The following PAPPA variants were observed in gnomAD, a reference collection of about 807,000 sequenced individuals.
The protein encoded by PAPPA is pappalysin 1.
In PAPPA, 60 loss-of-function variants were observed where a neutral mutation model predicts 164.0. The observed-to-expected ratio is 0.37, with a 90% CI of 0.30 to 0.45. The LOEUF (loss-of-function observed/expected upper bound fraction) is 0.45. Ranked by LOEUF, PAPPA falls within the 20% of genes least tolerant of loss-of-function variation. PAPPA has a pLI of 1.00. For missense variants in PAPPA, 1,782 were observed against 2,087.3 expected (o/e 0.85, Z 2.85); for synonymous variants, 875 against 814.1 (o/e 1.07, Z -1.27).
intron 21 of PAPPA, among the ~76,000 whole-genome samples, chr9:116,391,555 G>A (rs577319596): frequency 6.6e-6 from 1 of 152,222 alleles, no homozygotes; most frequent in East Asian, 1.9e-4. Context: ...TGCAGCCAGG[G>A]CCTTGTGGTA....
chr9:116,186,102 C>G (rs1052588943), intron 1 of PAPPA, among the ~76,000 whole-genome samples: 1 of 151,914 alleles, frequency 6.6e-6, no homozygotes, highest in Non-Finnish European at 1.5e-5. Flanking sequence ...ATATACAGAC[C>G]TTAGCACAAT....
chr9:116,347,461 AAG>A lies in PAPPA; in HGVS notation c.3964+257_3964+258del, dbSNP rs1846226530. On this transcript the variant is annotated intron_variant, in intron 15 of 21. Transcript: ENST00000328252. The surrounding 1 kb of genome is among the most constrained non-coding windows in gnomAD (Gnocchi z 4.5). ...TGGAAATCTTGCAAAAAAGAAAAGA[AAG>A]AGAGGATAAAAGTGAAGAAGGGAGG... 6.6e-6 allele frequency among the ~76,000 whole-genome samples: 1 copy of A among 152,194 alleles called. No individual in the cohort carries two copies. The highest frequency in any genetic ancestry group is 6.5e-5 in the Admixed American group (1 of 15,290).
intron 1 of PAPPA, among the ~76,000 whole-genome samples, chr9:116,186,263 T>TATAG (rs1843969272): frequency 6.7e-6 from 1 of 148,880 alleles, no homozygotes; most frequent in East Asian, 2.0e-4. Context: ...TCTATATAGA[T>TATAG]ATATAGATAT....
intron 4 of PAPPA, among the ~76,000 whole-genome samples, chr9:116,217,775 C>T (rs551916478): frequency 2.0e-5 from 3 of 152,076 alleles, no homozygotes; most frequent in Non-Finnish European, 2.9e-5. Flanking sequence ...TGAGCAATCG[C>T]GTTATCATCA....
At chr9:116,156,623 A>C (rs1359267855) in intron 1 of PAPPA, among the ~76,000 whole-genome samples, 1 of 152,154 alleles carries the variant, frequency 6.6e-6, no homozygotes, top group Admixed American at 6.5e-5. Flanking sequence ...GTGTAGCACC[A>C]GAAAGCCAGG....
At chr9:116,341,710 G>C (rs1326694450) in intron 13 of PAPPA, among the ~76,000 whole-genome samples, 3 of 152,230 alleles carry the variant, frequency 2.0e-5, no homozygotes, top group Admixed American at 2.0e-4. Flanking sequence ...TATTCCCAAT[G>C]TATAGAACAA....
At chr9:116,291,784 A>T (rs1845439962) in intron 9 of PAPPA, among the ~76,000 whole-genome samples, 1 of 151,938 alleles carries the variant, frequency 6.6e-6, no homozygotes, top group African/African-American at 2.4e-5. Context: ...TGTTGGTTGT[A>T]TGGGAGCAGG....
rs559917074 is a variant in PAPPA at position 116,280,510 on chromosome 9, G to C, written c.2953+9094G>C. On this transcript the variant is annotated intron_variant, in intron 9 of 21. Coordinates refer to ENST00000328252, the MANE Select transcript of PAPPA (RefSeq NM_002581.5). ...GAGAAGAACTTTTGAAGAGGGAAAA[G>C]CAAGTCAGCATTGCTGGACTGTAGT... Among the ~76,000 whole-genome samples the C allele has an allele frequency of 1.6e-4, 25 of 152,312 alleles. 1 individual carries two copies. Among genetic ancestry groups the C allele is most frequent in the Admixed American group, 1.0e-3 (16 of 15,304 alleles).
At chr9:116,177,853 C>G (rs1454925398) in intron 1 of PAPPA, among the ~76,000 whole-genome samples, 1 of 152,142 alleles carries the variant, frequency 6.6e-6, no homozygotes, top group African/African-American at 2.4e-5. Flanking sequence ...ACTTCTTTGA[C>G]CCCATCCCCC....
At chr9:116,207,341 A>G in intron 2 of PAPPA, 115 bp from the exon 3 acceptor site, 1 of 732,596 alleles carries the variant, frequency 1.4e-6, no homozygotes, top group Non-Finnish European at 2.2e-6. Context: ...ATAAGGTAGT[A>G]TTTTTAAAGT....
intron 19 of PAPPA, 30 bp downstream of exon 19, chr9:116,367,784 C>T (rs1300224401): frequency 3.5e-6 from 5 of 1,421,962 alleles, no homozygotes; most frequent in African/African-American, 1.4e-5. Context: ...TACCCACCTG[C>T]AGCTAAGGGG....
intron 9 of PAPPA, among the ~76,000 whole-genome samples, chr9:116,282,316 C>T (rs150252563): frequency 6.6e-5 from 10 of 152,264 alleles, no homozygotes; most frequent in African/African-American, 1.9e-4. Context: ...GAAAAAATGT[C>T]TATACATGTT....
At chr9:116,237,721 T>TC (rs377425448) in intron 7 of PAPPA, among the ~76,000 whole-genome samples, 36 of 143,940 alleles carry the variant, frequency 2.5e-4, no homozygotes, top group South Asian at 9.0e-4. Context: ...TCTCTCTCTC[T>TC]TTTTTTTTTT....
At chr9:116,155,970 T>C (rs753156342) in intron 1 of PAPPA, among the ~76,000 whole-genome samples, 30 of 152,046 alleles carry the variant, frequency 2.0e-4, no homozygotes, top group Non-Finnish European at 4.0e-4. Flanking sequence ...AAGCCCTATT[T>C]GCCCAGAGGA....
chr9:116,211,828 C>T lies in PAPPA; in HGVS notation c.1814C>T (p.Pro605Leu). 5 of 1,614,100 alleles carry T rather than the reference C, an allele frequency of 3.1e-6. No homozygotes were observed. The highest frequency in any genetic ancestry group is 4.2e-6 in the Non-Finnish European group (5 of 1,180,000). ...ETGDLCNDTN[P>L]APKHKSCGDP... The stretch of plus-strand genomic sequence containing the variant: ...GGAGACCTCTGCAATGATACCAACC[C>T]AGCCCCTAAACACAAGTCCTGTGGT... The change falls in exon 4 of 22, where the codon CCA (proline) becomes CTA (leucine). Residue 605 changes from proline to leucine, a missense_variant. Coordinates refer to ENST00000328252, the MANE Select transcript of PAPPA (RefSeq NM_002581.5).
At chr9:116,265,801 C>G (rs1217527285) in intron 7 of PAPPA, 56 bp from the exon 8 acceptor site, 4 of 1,464,666 alleles carry the variant, frequency 2.7e-6, no homozygotes, top group Non-Finnish European at 3.7e-6. Flanking sequence ...TTTCCATTCT[C>G]TCTTTGTCTG....
intron 10 of PAPPA, among the ~76,000 whole-genome samples, chr9:116,322,259 A>T (rs1287023210): frequency 6.6e-6 from 1 of 151,814 alleles, no homozygotes; most frequent in Non-Finnish European, 1.5e-5. Context: ...AAAATACAAA[A>T]ATTAGCTGGG....
chr9:116,182,662 G>C (rs1249786566), intron 1 of PAPPA, among the ~76,000 whole-genome samples: 1 of 152,148 alleles, frequency 6.6e-6, no homozygotes, highest in African/African-American at 2.4e-5. Context: ...CTCCTTTGTG[G>C]ATGTTCTTCC....
intron 7 of PAPPA, among the ~76,000 whole-genome samples, chr9:116,255,043 G>A (rs1844911755): frequency 6.6e-6 from 1 of 151,582 alleles, no homozygotes. Flanking sequence ...TGAAACGATT[G>A]TTCTCTACCT....
Sources: gnomAD v4.1 joint callset for allele counts (sites outside exome capture counted in the v4.1 genomes callset) on GRCh38, gnomAD v4.1.1 for gene constraint, Gnocchi (gnomAD v3.1) non-coding constraint, MANE v1.5 for transcripts, NCBI Gene and HGNC (gene_info 2026-07-23, HGNC 2026-07-21) for gene names.